Variants in GPBP1L1 observed in about 807,000 individuals in gnomAD.
GPBP1L1 encodes GC-rich promoter binding protein 1 like 1.
GPBP1L1 carries 23 observed loss-of-function variants against 52.5 expected under a neutral mutation model. That is an observed-to-expected ratio of 0.44 (90% CI 0.32 to 0.62). GPBP1L1 has a LOEUF of 0.62. Ranked by LOEUF, GPBP1L1 falls within the 20% of genes least tolerant of loss-of-function variation. The pLI is 0.06. For missense variants in GPBP1L1, 596 were observed against 579.3 expected, an observed-to-expected ratio of 1.03 and a Z score of -0.30; for synonymous variants, 243 against 203.1, an observed-to-expected ratio of 1.20 and a Z score of -1.67.
At chr1:45,648,002 G>A (rs575954166) in intron 6 of GPBP1L1, among the ~76,000 whole-genome samples, 5 of 152,034 alleles carry the variant, frequency 3.3e-5, no homozygotes, top group Non-Finnish European at 7.4e-5. Flanking sequence ...ATGAAGTGGT[G>A]CCATCTGGGC....
intron 6 of GPBP1L1, among the ~76,000 whole-genome samples, chr1:45,645,555 CTTTAAAA>C (rs1229775550): frequency 6.6e-6 from 1 of 152,152 alleles, no homozygotes; most frequent in Non-Finnish European, 1.5e-5. Context: ...CATCTTCCCA[CTTTAAAA>C]AAGTTATACT....
chr1:45,660,955 C>T lies in GPBP1L1; in HGVS notation c.-827G>A, dbSNP rs1644940623. The T allele has an allele frequency of 6.6e-6, 1 of 152,154 alleles. No individual in the cohort carries two copies. Among genetic ancestry groups the T allele is most frequent in the Admixed American group, 6.5e-5 (1 of 15,278 alleles). 9.4% of individuals were successfully genotyped at this position (152,154 alleles called of 1,614,324 possible). On this transcript the variant is annotated 5_prime_UTR_variant, in exon 3 of 13. Coordinates refer to ENST00000355105, the MANE Select transcript of GPBP1L1 (RefSeq NM_021639.5). ...GTATATTCTATGTCTTTGGCCTTTA[C>T]TATTTATAAATTCAGAGCAAAGTTA...
chr1:45,663,050 C>CAAAAAAAAAAAAAAAAAAAAAAAAA (rs66502921), intron 2 of GPBP1L1, among the ~76,000 whole-genome samples: 1 of 117,234 alleles, frequency 8.5e-6, no homozygotes, highest in East Asian at 2.6e-4. Flanking sequence ...GACTCTGTCT[C>CAAAAAAAAAAAAAAAAAAAAAAAAA]AAAAAAAAAA....
upstream of GPBP1L1, chr1:45,687,531 G>A (rs3013595): frequency 0.54 from 81,682 of 152,070 alleles, 22,093 homozygotes; most frequent in Middle Eastern, 0.59. Context: ...ACACGGAAGG[G>A]CACTAAAATT....
At chr1:45,654,392 CAACTT>C in intron 6 of GPBP1L1, 146 bp downstream of exon 6, 3 of 730,792 alleles carry the variant, frequency 4.1e-6, no homozygotes, top group African/African-American at 1.8e-5. Context: ...CAAATATTAT[CAACTT>C]AACTTCTTTC....
intron 11 of GPBP1L1, 80 bp downstream of exon 11, chr1:45,630,402 T>C: frequency 6.7e-7 from 1 of 1,501,204 alleles, no homozygotes; most frequent in Non-Finnish European, 9.1e-7. Flanking sequence ...GGGACCTATC[T>C]ATCTGAGATA....
Position 45,686,479 on chromosome 1 carries a change from C to T in GPBP1L1, c.-1210G>A, listed in dbSNP as rs1241223916. The T allele has an allele frequency of 6.6e-6, 1 of 152,356 alleles. No homozygotes were observed. The highest frequency in any genetic ancestry group is 1.5e-5 in the Non-Finnish European group (1 of 68,144). The allele number at this position is 152,356 out of a possible 1,614,324, so 9.4% of individuals were successfully genotyped here. A position where few individuals can be genotyped will look rare whatever the true frequency, so the allele number is the denominator to read the frequency against. ...TGAGGACGCGTCCCCAGCTTGTCGA[C>T]CCGGCAGAGGCGGCTAGTCCACAAC... is the stretch of plus-strand genomic sequence containing the variant. On this transcript the variant is annotated 5_prime_UTR_variant, in exon 1 of 13. Coordinates refer to ENST00000355105, the MANE Select transcript of GPBP1L1 (RefSeq NM_021639.5).
At chr1:45,639,157 T>G (rs1644635291) in intron 8 of GPBP1L1, among the ~76,000 whole-genome samples, 1 of 151,858 alleles carries the variant, frequency 6.6e-6, no homozygotes, top group Admixed American at 6.6e-5. Flanking sequence ...TGCCATACAT[T>G]GTTTGGAGCC....
intron 8 of GPBP1L1, among the ~76,000 whole-genome samples, chr1:45,636,097 C>G (rs1248001453): frequency 2.0e-5 from 3 of 152,166 alleles, no homozygotes; most frequent in Non-Finnish European, 4.4e-5. Context: ...TAGTAAAACT[C>G]TTTCATAAAT....
chr1:45,664,249 G>C (rs976788268), intron 2 of GPBP1L1, among the ~76,000 whole-genome samples: 1 of 152,110 alleles, frequency 6.6e-6, no homozygotes, highest in African/African-American at 2.4e-5. Flanking sequence ...GAACCCGGGA[G>C]GTGAAGCTTG....
In GPBP1L1 at chr1:45,660,309, G is replaced by T. The variant is rs946622869; in HGVS notation, c.-181C>A. 16 of 985,292 alleles carry T rather than the reference G, an allele frequency of 1.6e-5. No individual in the cohort carries two copies. In the African/African-American group the frequency reaches 2.4e-4, roughly 15 times the overall value. 61.0% of individuals were successfully genotyped at this position (985,292 alleles called of 1,614,324 possible). A position where few individuals can be genotyped will look rare whatever the true frequency, so the allele number is the denominator to read the frequency against. The stretch of plus-strand genomic sequence containing the variant: ...GGCAGCACGACTTATGATGAAGCAC[G>T]AAGAAGCCAGGTTCTGTGTCGATCA... On this transcript the variant is annotated 5_prime_UTR_variant, in exon 3 of 13. Transcript: ENST00000355105.
In GPBP1L1 at chr1:45,683,059, T is replaced by C. The variant is rs542379968; in HGVS notation, c.-1098+2517A>G. Among the ~76,000 whole-genome samples the C allele has an allele frequency of 1.2e-3, 83 of 69,688 alleles. No homozygotes were observed. In the East Asian group the frequency reaches 0.031, roughly 26 times the overall value. 45.7% of individuals were successfully genotyped at this position (69,688 alleles called of 152,430 possible). A position where few individuals can be genotyped will look rare whatever the true frequency, so the allele number is the denominator to read the frequency against. On this transcript the variant is annotated intron_variant, in intron 2 of 12. Transcript: ENST00000355105. ...ACCAAAATTTGCCTTTCCCATTAGT[T>C]TTTTTTTTTTTAGTTGGAATCCTTT... is the stretch of plus-strand genomic sequence containing the variant.
intron 7 of GPBP1L1, among the ~76,000 whole-genome samples, chr1:45,641,481 C>T (rs560717290): frequency 2.6e-4 from 40 of 152,044 alleles, no homozygotes; most frequent in South Asian, 1.0e-3. Flanking sequence ...CACACACACA[C>T]ACACACGAAT....
In GPBP1L1 at chr1:45,679,083, G is replaced by C. The variant is rs931614050; in HGVS notation, c.-1098+6493C>G. The stretch of plus-strand genomic sequence containing the variant: ...TAATAATAAAAAGAAAGAATGACAC[G>C]GAGAGTTTTAATAAACCACTGATGT... On this transcript the variant is annotated intron_variant, in intron 2 of 12. Transcript: ENST00000355105. 2.0e-5 allele frequency among the ~76,000 whole-genome samples: 3 copies of C among 152,076 alleles called. No individual in the cohort carries two copies. In the East Asian group the frequency reaches 5.8e-4, roughly 29 times the overall value.
intron 2 of GPBP1L1, among the ~76,000 whole-genome samples, chr1:45,684,679 C>G (rs187737978): frequency 6.4e-4 from 97 of 151,816 alleles, no homozygotes; most frequent in Middle Eastern, 3.4e-3. Context: ...CACTGAGTAC[C>G]CCCCCAAAAA....
At chr1:45,641,530 T>C (rs2148440906) in intron 7 of GPBP1L1, 1 of 152,174 alleles carries the variant, frequency 6.6e-6, no homozygotes, top group Non-Finnish European at 1.5e-5. Flanking sequence ...AAGAATATAT[T>C]GTTATGGGCT....
At chr1:45,642,679 A>T (rs1644689283) in intron 6 of GPBP1L1, among the ~76,000 whole-genome samples, 180 bp from the exon 7 acceptor site, 1 of 152,218 alleles carries the variant, frequency 6.6e-6, no homozygotes, top group African/African-American at 2.4e-5. Context: ...ACACAAAATC[A>T]ATAGGTATTA....
upstream of GPBP1L1, chr1:45,687,698 A>G (rs1557729821): frequency 1.3e-5 from 2 of 152,244 alleles, no homozygotes; most frequent in Non-Finnish European, 2.9e-5. Context: ...CTTTCATGGA[A>G]GTGAAAATCC....
At chr1:45,642,338 G>C in intron 7 of GPBP1L1, 89 bp downstream of exon 7, 1 of 845,572 alleles carries the variant, frequency 1.2e-6, no homozygotes, top group South Asian at 1.4e-5. Context: ...TGAGAAACAA[G>C]AGATAAAAAG....
Sources: gnomAD v4.1 joint callset for allele counts (sites outside exome capture counted in the v4.1 genomes callset) on GRCh38, gnomAD v4.1.1 for gene constraint, MANE v1.5 for transcripts, NCBI Gene and HGNC (gene_info 2026-07-23, HGNC 2026-07-21) for gene names.